HIVEP2: variants seen among roughly 807,000 people sequenced by gnomAD.
HIVEP2 encodes HIVEP zinc finger 2.
A neutral mutation model predicts 180.7 loss-of-function variants in HIVEP2; 14 were observed. That is an observed-to-expected ratio of 0.08 (90% CI 0.05 to 0.12). HIVEP2 has a LOEUF of 0.12. Among genes scored for constraint, HIVEP2 ranks in the 10% least tolerant of loss-of-function variants. HIVEP2 has a pLI of 1.00. For missense variants in HIVEP2, 2,579 were observed against 3,008.5 expected (o/e 0.86, Z 3.34); for synonymous variants, 1,184 against 1,136.4 (o/e 1.04, Z -0.84).
At chr6:142,934,473 A>G (rs1778007175) in intron 1 of HIVEP2, among the ~76,000 whole-genome samples, 1 of 152,200 alleles carries the variant, frequency 6.6e-6, no homozygotes. Context: ...AAGAGCAGAA[A>G]AGATATCTGA....
At chr6:142,819,484 A>C (rs1776971958) in intron 2 of HIVEP2, among the ~76,000 whole-genome samples, 2 of 152,184 alleles carry the variant, frequency 1.3e-5, no homozygotes, top group Non-Finnish European at 2.9e-5. Context: ...TTGTAAATTT[A>C]AGTTTCACAT....
intron 1 of HIVEP2, among the ~76,000 whole-genome samples, chr6:142,896,713 A>G (rs527770083): frequency 6.6e-6 from 1 of 152,342 alleles, no homozygotes; most frequent in Admixed American, 6.5e-5. Flanking sequence ...TTCTACCCAT[A>G]AACTTAGTAG....
intron 1 of HIVEP2, among the ~76,000 whole-genome samples, chr6:142,853,867 A>T (rs1169356630): frequency 1.3e-5 from 2 of 152,192 alleles, no homozygotes; most frequent in Non-Finnish European, 2.9e-5. Flanking sequence ...AGGGAAAATA[A>T]GTGAATCAGA....
chr6:142,764,569 C>A (rs1053515968), intron 7 of HIVEP2, among the ~76,000 whole-genome samples: 1 of 152,198 alleles, frequency 6.6e-6, no homozygotes, highest in Non-Finnish European at 1.5e-5. Flanking sequence ...CCTTTGGAGA[C>A]AACTGGCCTG....
At chr6:142,925,904 T>C (rs1246399221) in intron 1 of HIVEP2, among the ~76,000 whole-genome samples, 3 of 152,226 alleles carry the variant, frequency 2.0e-5, no homozygotes, top group Non-Finnish European at 4.4e-5. Flanking sequence ...CAGTGAACTT[T>C]AGCATTTTGG....
intron 1 of HIVEP2, among the ~76,000 whole-genome samples, chr6:142,935,884 A>G (rs1427758074): frequency 6.6e-6 from 1 of 152,192 alleles, no homozygotes; most frequent in Admixed American, 6.5e-5. Flanking sequence ...AAGATTAAAA[A>G]TATAAACTCT....
chr6:142,809,141 G>T (rs1776627976), intron 2 of HIVEP2, among the ~76,000 whole-genome samples: 1 of 152,026 alleles, frequency 6.6e-6, no homozygotes, highest in African/African-American at 2.4e-5. Flanking sequence ...CCATGTAAGG[G>T]ATGAATACTA....
intron 2 of HIVEP2, among the ~76,000 whole-genome samples, chr6:142,809,179 G>A (rs143687104): frequency 8.5e-5 from 13 of 152,138 alleles, no homozygotes; most frequent in Admixed American, 6.6e-5. Flanking sequence ...ATGGACCTAC[G>A]TCAGCTTTAA....
Position 142,774,377 on chromosome 6 carries a change from C to A in HIVEP2, c.362G>T (p.Gly121Val). Residue 121 changes from glycine to valine, a missense_variant, in exon 5 of 10, where the codon GGT (glycine) becomes GTT (valine). Transcript: ENST00000367603. This position sits in a 1 kb window ranked among gnomAD's most constrained non-coding sequence, Gnocchi z 5.1. Reference protein sequence around the residue: ...HSTKPHQSLEGPPWLFPGPLP... With the variant: ...HSTKPHQSLEVPPWLFPGPLP... ...AGGGCCAGGGAAAAGCCACGGAGGA[C>A]CTTCGAGGCTCTGATGTGGCTTGGT... is the stretch of plus-strand genomic sequence containing the variant. 1 of 1,614,160 alleles carries A rather than the reference C, an allele frequency of 6.2e-7. No individual in the cohort carries two copies. The highest frequency in any genetic ancestry group is 8.5e-7 in the Non-Finnish European group (1 of 1,180,044).
rs1434089095 is a variant in HIVEP2 at position 142,864,129 on chromosome 6, A to G, written c.-640-27082T>C. Among the ~76,000 whole-genome samples, 34 of 152,000 alleles carry G rather than the reference A, an allele frequency of 2.2e-4. 2 individuals carry two copies. Among genetic ancestry groups the G allele is most frequent in the Admixed American group, 2.2e-3 (33 of 15,240 alleles). Reference sequence around the variant, plus strand: ...GGGTGTCCTTTCTTTCCTCTCTGCTACCCTTGTTGAGTATTTTACTCTTTT... The same window carrying G: ...GGGTGTCCTTTCTTTCCTCTCTGCTGCCCTTGTTGAGTATTTTACTCTTTT... On this transcript the variant is annotated intron_variant, in intron 1 of 9. Coordinates refer to ENST00000367603, the MANE Select transcript of HIVEP2 (RefSeq NM_006734.4).
At chr6:142,767,534 A>T (rs1280222241) in intron 6 of HIVEP2, among the ~76,000 whole-genome samples, 1 of 152,254 alleles carries the variant, frequency 6.6e-6, no homozygotes, top group Non-Finnish European at 1.5e-5. Context: ...GCCCATGAAG[A>T]TATGTAAATA....
Position 142,943,938 on chromosome 6 carries a change from C to T in HIVEP2, c.-641+1161G>A, listed in dbSNP as rs1354194098. The stretch of plus-strand genomic sequence containing the variant: ...CCCATCCGCCGCCCACACATTATTG[C>T]TTCTCTCCTCCAAGTGTCTTGATTA... On this transcript the variant is annotated intron_variant, in intron 1 of 9. Coordinates refer to ENST00000367603, the MANE Select transcript of HIVEP2 (RefSeq NM_006734.4). This position sits in a 1 kb window ranked among gnomAD's most constrained non-coding sequence, Gnocchi z 4.5. Among the ~76,000 whole-genome samples, 1 of 152,182 alleles carries T rather than the reference C, an allele frequency of 6.6e-6. No individual in the cohort carries two copies. The highest frequency in any genetic ancestry group is 1.9e-4 in the East Asian group (1 of 5,198).
chr6:142,813,793 T>C (rs1331550804), intron 2 of HIVEP2, among the ~76,000 whole-genome samples: 2 of 151,890 alleles, frequency 1.3e-5, no homozygotes, highest in African/African-American at 4.8e-5. Context: ...TCTCGACTCC[T>C]GGACTCAAAG....
chr6:142,821,539 A>T (rs1262527643), intron 2 of HIVEP2, among the ~76,000 whole-genome samples: 1 of 152,234 alleles, frequency 6.6e-6, no homozygotes, highest in East Asian at 1.9e-4. Flanking sequence ...TGGGGATACA[A>T]ATAATATTGT....
At chr6:142,882,303 T>C (rs1434990617) in intron 1 of HIVEP2, among the ~76,000 whole-genome samples, 1 of 152,102 alleles carries the variant, frequency 6.6e-6, no homozygotes, top group African/African-American at 2.4e-5. Context: ...GATAACTCAC[T>C]GATTACATAG....
Position 142,761,560 on chromosome 6 carries a change from G to A in HIVEP2, c.5524C>T (p.Leu1842=). The change falls in exon 8 of 10, where the codon CTA becomes TTA. Residue 1842 remains leucine, a synonymous_variant. Transcript: ENST00000367603. ...GCTTTAGATTTCATATGCTTCGTTAGGTTTCCTTGAAAATGTAGCAAAAAA... is the reference window on the plus strand; with the variant it reads ...GCTTTAGATTTCATATGCTTCGTTAAGTTTCCTTGAAAATGTAGCAAAAAA... ...CNFAFKTKGN[L]TKHMKSKAHM... 1 of 1,584,720 alleles carries A rather than the reference G, an allele frequency of 6.3e-7. No individual in the cohort carries two copies. Among genetic ancestry groups the A allele is most frequent in the Non-Finnish European group, 8.7e-7 (1 of 1,154,846 alleles).
In HIVEP2 at chr6:142,762,759, A is replaced by G. The variant is rs142027301; in HGVS notation, c.5519-1194T>C. ...TATATGAGCCACAGTTAAAACTGGG[A>G]CACTGTTGTTTATTATTTTACTCAT... is the stretch of plus-strand genomic sequence containing the variant. On this transcript the variant is annotated intron_variant, in intron 7 of 9. Transcript: ENST00000367603. Among the ~76,000 whole-genome samples the G allele has an allele frequency of 5.8e-3, 885 of 152,278 alleles. 22 individuals carry two copies. The highest frequency in any genetic ancestry group is 0.047 in the East Asian group (241 of 5,180).
chr6:142,866,750 T>C (rs1158898057), intron 1 of HIVEP2, among the ~76,000 whole-genome samples: 3 of 152,148 alleles, frequency 2.0e-5, no homozygotes, highest in African/African-American at 7.2e-5. Context: ...GGTCGGTCTC[T>C]CCCTTAGTTG....
intron 1 of HIVEP2, among the ~76,000 whole-genome samples, chr6:142,926,504 T>C (rs576008677): frequency 5.9e-5 from 9 of 152,262 alleles, no homozygotes; most frequent in East Asian, 3.9e-4. Flanking sequence ...TGTGAGGGCT[T>C]TGTGAAAAGA....
Sources: gnomAD v4.1 joint callset for allele counts (sites outside exome capture counted in the v4.1 genomes callset) on GRCh38, gnomAD v4.1.1 for gene constraint, Gnocchi (gnomAD v3.1) non-coding constraint, MANE v1.5 for transcripts, NCBI Gene and HGNC (gene_info 2026-07-23, HGNC 2026-07-21) for gene names.